ZNF133: variants seen among roughly 807,000 people sequenced by gnomAD.
ZNF133 encodes zinc finger protein 133 (clone pHZ-13).
ZNF133 carries 26 observed loss-of-function variants against 54.9 expected under a neutral mutation model. The observed-to-expected ratio is 0.47, with a 90% CI of 0.35 to 0.66. The LOEUF (loss-of-function observed/expected upper bound fraction) is 0.66, where lower values mean the gene tolerates loss of function less well. Among genes scored for constraint, ZNF133 ranks in the 30% least tolerant of loss-of-function variants. The pLI is 0.01. For synonymous variants in ZNF133, 298 were observed against 320.3 expected (o/e 0.93, Z 0.74); for missense variants, 653 against 820.8 (o/e 0.80, Z 2.50).
chr20:18,304,279 T>C (rs1354590534), intron 3 of ZNF133, among the ~76,000 whole-genome samples: 1 of 152,112 alleles, frequency 6.6e-6, no homozygotes, highest in Non-Finnish European at 1.5e-5. Flanking sequence ...GTTGACAAGG[T>C]TGTGGAGAAA....
At chr20:18,296,748 C>T (rs752284215) in intron 1 of ZNF133, among the ~76,000 whole-genome samples, 1 of 152,198 alleles carries the variant, frequency 6.6e-6, no homozygotes, top group Non-Finnish European at 1.5e-5. Flanking sequence ...AGTATCTGTT[C>T]GAGTTCTTCC....
Position 18,298,120 on chromosome 20 carries a change from T to C in ZNF133, c.-354+58T>C, listed in dbSNP as rs2147116956. The C allele has an allele frequency of 2.0e-6, 3 of 1,534,880 alleles. No homozygotes were observed. The South Asian group carries it at 3.6e-5, about 18-fold the overall frequency. ...ACAGGATGGACACATTCCCTTCTCT[T>C]ACCCTGACTGCCTTATTGGTGCCTA... On this transcript the variant is annotated intron_variant, in intron 2 of 6. Transcript: ENST00000425686.
intron 1 of ZNF133, chr20:18,289,906 C>T (rs543414895): frequency 6.6e-6 from 1 of 152,190 alleles, no homozygotes; most frequent in Non-Finnish European, 1.5e-5. Flanking sequence ...CAGGTTCATT[C>T]CTGATGCTGT....
chr20:18,294,160 C>T (rs1478554184), intron 1 of ZNF133, among the ~76,000 whole-genome samples: 2 of 152,096 alleles, frequency 1.3e-5, no homozygotes, highest in African/African-American at 2.4e-5. Context: ...AGGTTAATAT[C>T]GCCAGTAAAA....
At position 18,315,489 on chromosome 20, in the gene ZNF133, C is replaced by G. The variant is rs768739606; in HGVS notation, c.638C>G (p.Thr213Arg). The G allele has an allele frequency of 6.2e-7, 1 of 1,614,200 alleles. No individual in the cohort carries two copies. Among genetic ancestry groups the G allele is most frequent in the Non-Finnish European group, 8.5e-7 (1 of 1,180,038 alleles). Reference sequence around the variant, plus strand: ...AGGATAGAAGTCTTAGGATTTGGAACAGTCAACTGTGGAGAGTGTGGACTG... The same window carrying G: ...AGGATAGAAGTCTTAGGATTTGGAAGAGTCAACTGTGGAGAGTGTGGACTG... ...LKRIEVLGFGTVNCGECGLSF... is the reference protein window; with the variant it reads ...LKRIEVLGFGRVNCGECGLSF... Residue 213 changes from threonine to arginine, a missense_variant, in exon 7 of 7, where the codon ACA (threonine) becomes AGA (arginine). Around this residue, in one of 4 missense-constraint regions of ZNF133, gnomAD observed 292 missense variants for 431.6 expected, o/e 0.68. Coordinates refer to ENST00000425686, the MANE Select transcript of ZNF133 (RefSeq NM_001352452.2).
intron 1 of ZNF133, among the ~76,000 whole-genome samples, chr20:18,294,591 C>T (rs2041834440): frequency 6.7e-6 from 1 of 149,000 alleles, no homozygotes; most frequent in Non-Finnish European, 1.5e-5. Flanking sequence ...TGTGCAACTT[C>T]CTTGTAAGTC....
chr20:18,295,860 C>T (rs2042132733), intron 1 of ZNF133, among the ~76,000 whole-genome samples: 1 of 152,078 alleles, frequency 6.6e-6, no homozygotes, highest in Admixed American at 6.6e-5. Context: ...GATGAGGTCT[C>T]ACCATGTTGC....
intron 1 of ZNF133, among the ~76,000 whole-genome samples, chr20:18,296,791 G>A (rs149144241): frequency 7.2e-5 from 11 of 152,298 alleles, no homozygotes; most frequent in South Asian, 6.2e-4. Context: ...GCCAGAAGTC[G>A]AATTGGTGAA....
chr20:18,305,860 TATGCTTGAAGCAGCC>T lies in ZNF133; in HGVS notation c.121+56_121+70del. The stretch of plus-strand genomic sequence containing the variant: ...ATTCTTATTGCTGGGAATTTTAGGC[TATGCTTGAAGCAGCC>T]ATCTTGCTTTGTTACTTGACCTTTG... On this transcript the variant is annotated intron_variant, in intron 5 of 6. Transcript: ENST00000425686. This position sits in a 1 kb window ranked among gnomAD's most constrained non-coding sequence, Gnocchi z 4.7. The T allele has an allele frequency of 6.4e-7, 1 of 1,569,168 alleles. No individual in the cohort carries two copies. Among genetic ancestry groups the T allele is most frequent in the Non-Finnish European group, 8.7e-7 (1 of 1,155,478 alleles).
rs2040158995 is a variant in ZNF133, at chr20:18,288,584, C to T, written c.-452C>T. 1 of 398,654 alleles carries T rather than the reference C, an allele frequency of 2.5e-6. No individual in the cohort carries two copies. Among genetic ancestry groups the T allele is most frequent in the South Asian group, 1.3e-4 (1 of 7,854 alleles). The allele number at this position is 398,654 out of a possible 1,614,324, so 24.7% of individuals were successfully genotyped here. On this transcript the variant is annotated 5_prime_UTR_variant, in exon 1 of 7. Coordinates refer to ENST00000425686, the MANE Select transcript of ZNF133 (RefSeq NM_001352452.2). ...TCCCCAGCTGGTGGCTGGAGCGACC[C>T]CTTGTTCTTTGGTGGCGCTGGTGAG...
intron 6 of ZNF133, among the ~76,000 whole-genome samples, chr20:18,307,865 G>A (rs750029812): frequency 6.6e-5 from 10 of 152,042 alleles, no homozygotes; most frequent in Non-Finnish European, 1.3e-4. Flanking sequence ...TCTTTGTGGT[G>A]AGATTTCCTA....
At position 18,298,078 on chromosome 20, in the gene ZNF133, C is replaced by T; in HGVS notation, c.-354+16C>T. On this transcript the variant is annotated intron_variant, in intron 2 of 6. Transcript: ENST00000425686. ...CAGGGGAATGGTGAGTGTTTCCTGT[C>T]TCCATTACTGGCTGTAACAGGATGG... 6.5e-7 allele frequency: 1 copy of T among 1,535,486 alleles called. No homozygotes were observed. The highest frequency in any genetic ancestry group is 8.7e-7 in the Non-Finnish European group (1 of 1,146,786).
At chr20:18,291,421 T>G (rs146511745) in intron 1 of ZNF133, among the ~76,000 whole-genome samples, 47 of 152,316 alleles carry the variant, frequency 3.1e-4, no homozygotes, top group Non-Finnish European at 5.9e-4. Context: ...TAATATATCC[T>G]TTCACACAGT....
chr20:18,295,694 C>G (rs1568734357), intron 1 of ZNF133, among the ~76,000 whole-genome samples: 1 of 152,208 alleles, frequency 6.6e-6, no homozygotes, highest in East Asian at 1.9e-4. Context: ...GTCTCACTCT[C>G]TCACCTAGAC....
At position 18,316,957 on chromosome 20, in the gene ZNF133, C is replaced by T. The variant is rs1269523620; in HGVS notation, c.*141C>T. On this transcript the variant is annotated 3_prime_UTR_variant, in exon 7 of 7. Coordinates refer to ENST00000425686, the MANE Select transcript of ZNF133 (RefSeq NM_001352452.2). ...CTAAGTCTTCTCCATGTTTTGTGGCCTTCGGTTGTAATAAACTTGGCTTCT... is the reference window on the plus strand; with the variant it reads ...CTAAGTCTTCTCCATGTTTTGTGGCTTTCGGTTGTAATAAACTTGGCTTCT... 3.6e-6 allele frequency: 4 copies of T among 1,108,274 alleles called. No homozygotes were observed. The highest frequency in any genetic ancestry group is 5.0e-6 in the Non-Finnish European group (4 of 801,074). The allele number at this position is 1,108,274 out of a possible 1,614,324, so 68.7% of individuals were successfully genotyped here. A position where few individuals can be genotyped will look rare whatever the true frequency, so the allele number is the denominator to read the frequency against.
In ZNF133 at chr20:18,316,435, G is replaced by T; in HGVS notation, c.1584G>T (p.Gly528=). 1 of 1,614,164 alleles carries T rather than the reference G, an allele frequency of 6.2e-7. No homozygotes were observed. The highest frequency in any genetic ancestry group is 8.5e-7 in the Non-Finnish European group (1 of 1,180,018). ...GERPYVCREC[G]RGFSHQAGLI... ...GGCCGTATGTGTGCCGAGAGTGCGG[G>T]CGAGGCTTTAGCCACCAGGCCGGTC... The change falls in exon 7 of 7, where the codon GGG becomes GGT. Residue 528 remains glycine (G), a synonymous_variant. Coordinates refer to ENST00000425686, the MANE Select transcript of ZNF133 (RefSeq NM_001352452.2).
intron 6 of ZNF133, chr20:18,310,164 T>C (rs2045549909): frequency 7.5e-7 from 1 of 1,324,634 alleles, no homozygotes; most frequent in Non-Finnish European, 9.6e-7. Context: ...TGTTTTAATT[T>C]AAAGAAAAAC....
At chr20:18,308,920 C>T (rs2045266396) in intron 6 of ZNF133, among the ~76,000 whole-genome samples, 1 of 152,194 alleles carries the variant, frequency 6.6e-6, no homozygotes, top group Admixed American at 6.5e-5. Context: ...GCCGCCATGA[C>T]AAAATACTGT....
intron 6 of ZNF133, among the ~76,000 whole-genome samples, chr20:18,307,959 T>C (rs1300611806): frequency 1.3e-5 from 2 of 152,198 alleles, no homozygotes; most frequent in African/African-American, 4.8e-5. Context: ...GAAAAAGTTA[T>C]AGGATTTTGT....
Sources: allele counts gnomAD v4.1 joint callset (sites outside exome capture counted in the v4.1 genomes callset), GRCh38; gene constraint gnomAD v4.1.1; regional missense constraint gnomAD v4.1.1; non-coding constraint Gnocchi (gnomAD v3.1); transcripts MANE v1.5; gene names NCBI Gene and HGNC (gene_info 2026-07-23, HGNC 2026-07-21).